LRRC9: variants seen among roughly 807,000 people sequenced by gnomAD.
LRRC9 encodes leucine-rich repeat-containing protein 9.
In LRRC9, 122 loss-of-function variants were observed where a neutral mutation model predicts 63.2. That is an observed-to-expected ratio of 1.93 (90% CI 1.67 to 2.24). LRRC9 has a LOEUF of 2.24. LRRC9 is among the 30% of genes most tolerant of loss of function. The pLI, the probability that LRRC9 is intolerant of heterozygous loss-of-function variation, is 0.00. For missense variants in LRRC9, 1,071 were observed against 627.7 expected, an observed-to-expected ratio of 1.71 and a Z score of -7.55; for synonymous variants, 366 against 213.1, an observed-to-expected ratio of 1.72 and a Z score of -6.25.
rs150680 is a variant in LRRC9, at chr14:59,958,165, G to A, written c.883-1653G>A. 0.17 allele frequency among the ~76,000 whole-genome samples: 25,843 copies of A among 152,172 alleles called. 2,996 individuals carry two copies. Among genetic ancestry groups the A allele is most frequent in the African/African-American group, 0.32 (13,422 of 41,490 alleles). On this transcript the variant is annotated intron_variant, in intron 8 of 31. Transcript: ENST00000445360. The surrounding 1 kb of genome is among the most constrained non-coding windows in gnomAD (Gnocchi z 4.0). ...GCAGAGCTGGTGCACTGTGCTGGGC[G>A]AATCCCTCTTGTCAGGATTAGCTGC...
chr14:60,048,769 T>G (rs746267787), intron 29 of LRRC9, among the ~76,000 whole-genome samples: 2 of 152,162 alleles, frequency 1.3e-5, no homozygotes, highest in Non-Finnish European at 2.9e-5. Flanking sequence ...AAGGAGGGTC[T>G]CCACCCTAAC....
chr14:59,999,363 A>G, intron 19 of LRRC9, 137 bp downstream of exon 19: 1 of 480,682 alleles, frequency 2.1e-6, no homozygotes, highest in East Asian at 3.2e-5. Flanking sequence ...CAATCATACC[A>G]CTTGGTATTT....
At chr14:59,935,139 A>C (rs1890035340) in intron 6 of LRRC9, among the ~76,000 whole-genome samples, 1 of 151,134 alleles carries the variant, frequency 6.6e-6, no homozygotes, top group South Asian at 2.1e-4. Context: ...AAAAAAAAAA[A>C]AAAAATAGCC....
At chr14:59,999,162 T>G in exon 19 of LRRC9, 1 of 701,050 alleles carries the variant, frequency 1.4e-6, no homozygotes, top group Non-Finnish European at 2.6e-6. Context: ...TTAAATGGAG[T>G]CTTCATTTCT....
At chr14:59,955,007 T>C (rs1460146276) in intron 8 of LRRC9, among the ~76,000 whole-genome samples, 1 of 152,204 alleles carries the variant, frequency 6.6e-6, no homozygotes, top group Non-Finnish European at 1.5e-5. Context: ...TTGATCGTGG[T>C]GGATAAACTT....
Position 60,051,599 on chromosome 14 carries a change from G to A in LRRC9, c.3991-1466G>A, listed in dbSNP as rs1893896379. Among the ~76,000 whole-genome samples, 1 of 152,146 alleles carries A rather than the reference G, an allele frequency of 6.6e-6. No individual in the cohort carries two copies. Among genetic ancestry groups the A allele is most frequent in the Admixed American group, 6.6e-5 (1 of 15,264 alleles). ...GCTGGCTGGAATTCTAAGCCAGTGG[G>A]TCTTAACTTATGAGGTGCCATGAAA... On this transcript the variant is annotated intron_variant, in intron 29 of 31. Transcript: ENST00000445360. The surrounding 1 kb of genome is among the most constrained non-coding windows in gnomAD (Gnocchi z 4.7).
chr14:60,027,629 A>T lies in LRRC9; in HGVS notation c.3704-255A>T, dbSNP rs746899914. 1.3e-5 allele frequency among the ~76,000 whole-genome samples: 2 copies of T among 152,134 alleles called. No individual in the cohort carries two copies. Among genetic ancestry groups the T allele is most frequent in the Non-Finnish European group, 2.9e-5 (2 of 67,988 alleles). ...CACTTAATTACCAAACAGACATATTAGATCAATTCAGTACATTCTGTACAT... is the reference window on the plus strand; with the variant it reads ...CACTTAATTACCAAACAGACATATTTGATCAATTCAGTACATTCTGTACAT... On this transcript the variant is annotated intron_variant, in intron 27 of 31. Transcript: ENST00000445360. This position sits in a 1 kb window ranked among gnomAD's most constrained non-coding sequence, Gnocchi z 4.0.
chr14:59,966,641 A>G lies in LRRC9; in HGVS notation c.1264A>G (p.Arg422Gly), dbSNP rs1200858241. The G allele has an allele frequency of 1.4e-6, 1 of 695,668 alleles. No individual in the cohort carries two copies. Among genetic ancestry groups the G allele is most frequent in the East Asian group, 2.7e-5 (1 of 37,194 alleles). The allele number at this position is 695,668 out of a possible 1,614,324, so 43.1% of individuals were successfully genotyped here. A position where few individuals can be genotyped will look rare whatever the true frequency, so the allele number is the denominator to read the frequency against. The change falls in exon 11 of 32, where the codon AGA becomes GGA. Residue 422 changes from arginine to glycine, a missense_variant. By Grantham distance (125) the Arg-to-Gly change is moderately radical. Coordinates refer to ENST00000445360, the Ensembl canonical transcript of LRRC9. The surrounding 1 kb of genome is among the most constrained non-coding windows in gnomAD (Gnocchi z 4.0). Reference sequence around the variant, plus strand: ...GTCACGTTTTTGTGCCTGGGACTTCAGAACATACGGTATTACAGGAGTAAA... The same window carrying G: ...GTCACGTTTTTGTGCCTGGGACTTCGGAACATACGGTATTACAGGAGTAAA...
intron 12 of LRRC9, among the ~76,000 whole-genome samples, chr14:59,967,419 G>A (rs998338153): frequency 6.6e-6 from 1 of 152,102 alleles, no homozygotes; most frequent in African/African-American, 2.4e-5. Context: ...ACTACTGCCT[G>A]ACCCTACGTA....
intron 17 of LRRC9, among the ~76,000 whole-genome samples, chr14:59,988,511 A>G (rs555013300): frequency 2.6e-5 from 4 of 152,224 alleles, no homozygotes; most frequent in Non-Finnish European, 5.9e-5. Context: ...ATACAAGATG[A>G]TAGAATATTT....
At chr14:60,041,525 T>C (rs534411175) in intron 29 of LRRC9, among the ~76,000 whole-genome samples, 9 of 152,348 alleles carry the variant, frequency 5.9e-5, no homozygotes, top group African/African-American at 1.9e-4. Flanking sequence ...TTCTTCCACT[T>C]GATCAAATCA....
chr14:59,948,378 A>T (rs1882702265), intron 8 of LRRC9, among the ~76,000 whole-genome samples: 1 of 142,872 alleles, frequency 7.0e-6, no homozygotes. Context: ...GACTTTGCTG[A>T]AGTTGCTTAT....
chr14:60,025,935 G>T (rs1891516360), intron 27 of LRRC9, among the ~76,000 whole-genome samples: 1 of 152,042 alleles, frequency 6.6e-6, no homozygotes, highest in Non-Finnish European at 1.5e-5. Flanking sequence ...AAAATAAAGA[G>T]AAAAACTGTC....
At chr14:59,978,624 G>A (rs1407938234) in intron 15 of LRRC9, among the ~76,000 whole-genome samples, 1 of 151,732 alleles carries the variant, frequency 6.6e-6, no homozygotes, top group Non-Finnish European at 1.5e-5. Context: ...CATATAGATG[G>A]GTATTTCATT....
chr14:59,937,109 A>G (rs753827787), intron 6 of LRRC9, among the ~76,000 whole-genome samples: 3 of 151,544 alleles, frequency 2.0e-5, no homozygotes, highest in Non-Finnish European at 4.4e-5. Flanking sequence ...CTGTGTTCTA[A>G]GTGCTGAGTG....
At chr14:59,994,867 G>T (rs1206653689) in intron 17 of LRRC9, among the ~76,000 whole-genome samples, 2 of 152,070 alleles carry the variant, frequency 1.3e-5, no homozygotes, top group East Asian at 3.9e-4. Context: ...GTTGTGGGGT[G>T]GGGGGAAGGG....
chr14:60,042,699 G>A lies in LRRC9; in HGVS notation c.3991-10366G>A, dbSNP rs145854969. On this transcript the variant is annotated intron_variant, in intron 29 of 31. Coordinates refer to ENST00000445360, the Ensembl canonical transcript of LRRC9. This position sits in a 1 kb window ranked among gnomAD's most constrained non-coding sequence, Gnocchi z 4.2. ...AATTTCCCCACCCTTTGCACTTCCC[G>A]GGTGAGGCAATGCCCTGTCCTGCTT... Among the ~76,000 whole-genome samples the A allele has an allele frequency of 3.6e-3, 544 of 152,174 alleles. 1 individual carries two copies. The highest frequency in any genetic ancestry group is 5.4e-3 in the Non-Finnish European group (365 of 67,994).
chr14:60,014,199 A>G lies in LRRC9; in HGVS notation c.3187-2461A>G, dbSNP rs141781407. ...AGAAATGTTACTTTCCTTCCAGTCT[A>G]TTTCTTCTCTCCTGTTAATATTTGA... On this transcript the variant is annotated intron_variant, in intron 23 of 31. Coordinates refer to ENST00000445360, the Ensembl canonical transcript of LRRC9. Among the ~76,000 whole-genome samples the G allele has an allele frequency of 2.7e-3, 409 of 151,920 alleles. 2 individuals carry two copies. The highest frequency in any genetic ancestry group is 9.4e-3 in the African/African-American group (389 of 41,482).
intron 17 of LRRC9, among the ~76,000 whole-genome samples, chr14:59,988,936 A>G (rs186658112): frequency 3.3e-5 from 5 of 152,222 alleles, no homozygotes; most frequent in Admixed American, 2.0e-4. Flanking sequence ...TTGGCTCACA[A>G]TTTATTTTTC....
Sources: gnomAD v4.1 joint callset for allele counts (sites outside exome capture counted in the v4.1 genomes callset) on GRCh38, gnomAD v4.1.1 for gene constraint, Gnocchi (gnomAD v3.1) non-coding constraint, MANE v1.5 for transcripts, NCBI Gene and HGNC (gene_info 2026-07-23, HGNC 2026-07-21) for gene names.